Variants in DYNC2H1 observed in about 807,000 individuals in gnomAD.
DYNC2H1 encodes the protein cytoplasmic dynein 2 heavy chain 1.
Under a neutral mutation model 570.0 loss-of-function variants are expected in DYNC2H1, and 410 were observed. The ratio of observed to expected loss-of-function variants is 0.72; its 90% CI spans 0.66 to 0.78. DYNC2H1 has a LOEUF of 0.78. Ranked by LOEUF, DYNC2H1 falls within the 30% of genes least tolerant of loss-of-function variation. The probability of loss-of-function intolerance (pLI) is 0.00; values close to 1 mark genes in which losing one functional copy is unlikely to be tolerated. For missense variants in DYNC2H1, 4,865 were observed against 5,046.4 expected, an observed-to-expected ratio of 0.96 and a Z score of 1.09; for synonymous variants, 1,688 against 1,677.6, an observed-to-expected ratio of 1.01 and a Z score of -0.15.
At chr11:103,113,494 T>C (rs1264922696) in intron 1 of DYNC2H1, 43 bp from the exon 2 acceptor site, 8 of 1,415,438 alleles carry the variant, frequency 5.7e-6, no homozygotes, top group Non-Finnish European at 7.4e-6. Context: ...TTTCAAATAT[T>C]AAATTTTATG....
intron 84 of DYNC2H1, among the ~76,000 whole-genome samples, chr11:103,420,736 A>G (rs1201205898): frequency 6.6e-6 from 1 of 152,208 alleles, no homozygotes; most frequent in Non-Finnish European, 1.5e-5. Context: ...AGCACTAAAT[A>G]TAGAAATGAA....
At chr11:103,198,947 C>A (rs1444459121) in intron 48 of DYNC2H1, among the ~76,000 whole-genome samples, 2 of 152,064 alleles carry the variant, frequency 1.3e-5, no homozygotes, top group African/African-American at 4.8e-5. Context: ...TATAATTAAC[C>A]TGCTATCTCA....
At chr11:103,452,288 CT>C (rs745634598) in intron 85 of DYNC2H1, among the ~76,000 whole-genome samples, 4 of 151,904 alleles carry the variant, frequency 2.6e-5, no homozygotes, top group Non-Finnish European at 2.9e-5. Context: ...TTTGCAAAAA[CT>C]TTAAAGGAAT....
chr11:103,321,389 A>G, intron 81 of DYNC2H1, 152 bp downstream of exon 81: 2 of 911,040 alleles, frequency 2.2e-6, no homozygotes, highest in South Asian at 1.6e-5. Flanking sequence ...TGATTCTTTC[A>G]ACTTTAGTGA....
At chr11:103,269,583 A>G in intron 70 of DYNC2H1, among the ~76,000 whole-genome samples, 1 of 152,194 alleles carries the variant, frequency 6.6e-6, no homozygotes, top group East Asian at 1.9e-4. Flanking sequence ...TGATTGACTT[A>G]TTTTGTAGCA....
intron 11 of DYNC2H1, 125 bp from the exon 12 acceptor site, chr11:103,124,975 T>G: frequency 1.5e-6 from 1 of 669,890 alleles, no homozygotes; most frequent in Non-Finnish European, 2.4e-6. Context: ...AAAGCTATAA[T>G]TAAAAAGTTT....
In DYNC2H1 at chr11:103,205,556, A is replaced by G. The variant is rs934564683; in HGVS notation, c.8454+592A>G. Reference sequence around the variant, plus strand: ...AAAGACATGGTTTACAGATGAGGTAATATTTTAGTTACTGAAAGATATTTT... The same window carrying G: ...AAAGACATGGTTTACAGATGAGGTAGTATTTTAGTTACTGAAAGATATTTT... On this transcript the variant is annotated intron_variant, in intron 52 of 88. Transcript: ENST00000375735. This position sits in a 1 kb window ranked among gnomAD's most constrained non-coding sequence, Gnocchi z 4.5. Among the ~76,000 whole-genome samples, 2 of 152,278 alleles carry G rather than the reference A, an allele frequency of 1.3e-5. No homozygotes were observed. The highest frequency in any genetic ancestry group is 4.8e-5 in the African/African-American group (2 of 41,570).
chr11:103,339,789 A>C (rs1156705354), intron 82 of DYNC2H1, among the ~76,000 whole-genome samples: 1 of 152,234 alleles, frequency 6.6e-6, no homozygotes, highest in African/African-American at 2.4e-5. Context: ...TTAGAGGCCC[A>C]GGCCACTTTA....
At position 103,187,460 on chromosome 11, in the gene DYNC2H1, C is replaced by T; in HGVS notation, c.7014C>T (p.Ile2338=). The T allele has an allele frequency of 6.2e-7, 1 of 1,613,296 alleles. No homozygotes were observed. Among genetic ancestry groups the T allele is most frequent in the Non-Finnish European group, 8.5e-7 (1 of 1,179,486 alleles). Residue 2338 remains isoleucine (I), a synonymous_variant, in exon 43 of 89, where the codon ATC becomes ATT. Coordinates refer to ENST00000375735, the MANE Select transcript of DYNC2H1 (RefSeq NM_001377.3). ...AACTGAGCCAGACTTGCATGGTAATCAGTACTAATACTGGTCGTGTATACA... is the reference window on the plus strand; with the variant it reads ...AACTGAGCCAGACTTGCATGGTAATTAGTACTAATACTGGTCGTGTATACA... ...LQKLSQTCMV[I]STNTGRVYRP... is the part of the protein sequence containing the mutation.
rs1242318748 is a variant in DYNC2H1, at chr11:103,369,549, A to G, written c.12156+11190A>G. On this transcript the variant is annotated intron_variant, in intron 83 of 88. Transcript: ENST00000375735. This position sits in a 1 kb window ranked among gnomAD's most constrained non-coding sequence, Gnocchi z 4.0. ...GATACACAGCTCACATCTCCAAAAC[A>G]GACTCTTTCCTTCTGTTTGAGGAGA... Among the ~76,000 whole-genome samples the G allele has an allele frequency of 6.6e-6, 1 of 152,140 alleles. No homozygotes were observed. Among genetic ancestry groups the G allele is most frequent in the Admixed American group, 6.5e-5 (1 of 15,270 alleles).
At chr11:103,383,304 C>T (rs1173654994) in intron 83 of DYNC2H1, among the ~76,000 whole-genome samples, 2 of 151,764 alleles carry the variant, frequency 1.3e-5, no homozygotes, top group Non-Finnish European at 2.9e-5. Flanking sequence ...TAAAGAAGAA[C>T]TTCAGTTTGC....
At chr11:103,120,100 A>T (rs1228826565) in intron 6 of DYNC2H1, among the ~76,000 whole-genome samples, 1 of 152,202 alleles carries the variant, frequency 6.6e-6, no homozygotes, top group Non-Finnish European at 1.5e-5. Flanking sequence ...TTACTATATT[A>T]AGGGTAGGCT....
At chr11:103,400,451 TAGA>T (rs1246818678) in intron 84 of DYNC2H1, among the ~76,000 whole-genome samples, 1 of 152,186 alleles carries the variant, frequency 6.6e-6, no homozygotes, top group East Asian at 1.9e-4. Context: ...TAGATAGTTT[TAGA>T]AGAAGGGGAA....
intron 83 of DYNC2H1, among the ~76,000 whole-genome samples, chr11:103,383,206 C>T (rs1398198952): frequency 2.0e-5 from 3 of 152,140 alleles, no homozygotes; most frequent in Non-Finnish European, 4.4e-5. Flanking sequence ...CTCAAATGAA[C>T]AGGAAGAAGG....
At chr11:103,378,133 A>AG (rs397805277) in intron 83 of DYNC2H1, among the ~76,000 whole-genome samples, 1 of 151,766 alleles carries the variant, frequency 6.6e-6, no homozygotes, top group African/African-American at 2.4e-5. Flanking sequence ...GGGATAAAAA[A>AG]TTTATGATCC....
intron 84 of DYNC2H1, among the ~76,000 whole-genome samples, chr11:103,430,978 G>A (rs1943866308): frequency 6.6e-6 from 1 of 152,028 alleles, no homozygotes; most frequent in Non-Finnish European, 1.5e-5. Context: ...TTGTAGACAA[G>A]AATTGTGTTA....
intron 34 of DYNC2H1, among the ~76,000 whole-genome samples, chr11:103,171,447 G>A (rs1375619325): frequency 1.3e-5 from 2 of 151,884 alleles, no homozygotes; most frequent in African/African-American, 4.8e-5. Flanking sequence ...GTAGAGATAG[G>A]GTTTGATCAT....
chr11:103,316,432 G>T, intron 79 of DYNC2H1, 113 bp from the exon 80 acceptor site: 2 of 635,496 alleles, frequency 3.1e-6, no homozygotes, highest in Non-Finnish European at 2.5e-6. Context: ...AAATTCTCAG[G>T]AGTTATATAT....
intron 80 of DYNC2H1, among the ~76,000 whole-genome samples, chr11:103,320,662 A>G (rs1416537158): frequency 3.3e-5 from 5 of 152,196 alleles, no homozygotes; most frequent in African/African-American, 9.6e-5. Flanking sequence ...TGTGTGGCAG[A>G]TAATTCAGAT....
Sources: gnomAD v4.1 joint callset for allele counts (sites outside exome capture counted in the v4.1 genomes callset) on GRCh38, gnomAD v4.1.1 for gene constraint, Gnocchi (gnomAD v3.1) non-coding constraint, MANE v1.5 for transcripts, NCBI Gene and HGNC (gene_info 2026-07-23, HGNC 2026-07-21) for gene names.